The following CSMD1 variants were observed in gnomAD, a reference collection of about 807,000 sequenced individuals.
CSMD1 encodes the protein CUB and Sushi multiple domains 1, also known as CUB and sushi domain-containing protein 1.
Under a neutral mutation model 417.5 loss-of-function variants are expected in CSMD1, and 213 were observed. That is an observed-to-expected ratio of 0.51 (90% CI 0.46 to 0.57). CSMD1 has a LOEUF of 0.57. CSMD1 is among the 20% of genes least tolerant of loss of function. The probability of loss-of-function intolerance (pLI) is 0.00; values close to 1 mark genes in which losing one functional copy is unlikely to be tolerated. For synonymous variants in CSMD1, 2,862 were observed against 1,736.8 expected, an observed-to-expected ratio of 1.65 and a Z score of -16.11; for missense variants, 6,923 against 4,529.7, an observed-to-expected ratio of 1.53 and a Z score of -15.17.
intron 11 of CSMD1, among the ~76,000 whole-genome samples, chr8:3,481,997 T>C (rs901822884): frequency 1.3e-5 from 2 of 152,210 alleles, no homozygotes; most frequent in East Asian, 3.8e-4. Flanking sequence ...CATATGTTTA[T>C]TGTAATGCCC....
chr8:3,979,247 C>G lies in CSMD1; in HGVS notation c.818+18656G>C, dbSNP rs533328583. 8.5e-5 allele frequency among the ~76,000 whole-genome samples: 13 copies of G among 152,244 alleles called. No individual in the cohort carries two copies. In the South Asian group the frequency reaches 2.7e-3, roughly 32 times the overall value. ...AAGTTTTAGGCCAGGAAATTTAGGG[C>G]ATCTTTTTGTTTTGGGAGCGGATTG... On this transcript the variant is annotated intron_variant, in intron 5 of 69. Transcript: ENST00000635120.
chr8:4,139,048 A>C (rs1803614799), intron 3 of CSMD1, among the ~76,000 whole-genome samples: 2 of 152,188 alleles, frequency 1.3e-5, no homozygotes. Context: ...CCTGAGACAG[A>C]CTTGGGGCCA....
At chr8:3,483,680 A>G (rs1281581847) in intron 11 of CSMD1, among the ~76,000 whole-genome samples, 1 of 152,132 alleles carries the variant, frequency 6.6e-6, no homozygotes, top group Non-Finnish European at 1.5e-5. Flanking sequence ...AGGCAGTACA[A>G]AAAAGAAAGA....
intron 38 of CSMD1, among the ~76,000 whole-genome samples, chr8:3,161,369 C>A (rs1563098416): frequency 6.6e-6 from 1 of 152,124 alleles, no homozygotes; most frequent in Non-Finnish European, 1.5e-5. Context: ...GTAATCCCAG[C>A]ACTTTGGGAG....
chr8:4,300,001 G>C (rs962952010), intron 3 of CSMD1, among the ~76,000 whole-genome samples: 1 of 152,120 alleles, frequency 6.6e-6, no homozygotes, highest in African/African-American at 2.4e-5. Context: ...TTTGTAGAAA[G>C]CATAAATCTA....
intron 2 of CSMD1, among the ~76,000 whole-genome samples, chr8:4,479,792 G>A (rs994680683): frequency 6.6e-6 from 1 of 151,400 alleles, no homozygotes; most frequent in East Asian, 1.9e-4. Context: ...GAGAAACCCC[G>A]TTCTCTACTG....
chr8:3,060,659 A>G (rs1812535489), intron 49 of CSMD1, among the ~76,000 whole-genome samples: 1 of 152,184 alleles, frequency 6.6e-6, no homozygotes, highest in Non-Finnish European at 1.5e-5. Context: ...TATGGAAACA[A>G]TCAGGTATTT....
intron 49 of CSMD1, among the ~76,000 whole-genome samples, chr8:3,083,456 T>C (rs1387942557): frequency 6.6e-6 from 1 of 150,386 alleles, no homozygotes. Context: ...TAATTTTTTT[T>C]AATTTTTCTG....
At chr8:4,163,315 C>A (rs943670929) in intron 3 of CSMD1, among the ~76,000 whole-genome samples, 1 of 152,212 alleles carries the variant, frequency 6.6e-6, no homozygotes, top group African/African-American at 2.4e-5. Flanking sequence ...ACCCAATTGT[C>A]TTCCAAAGTG....
intron 6 of CSMD1, among the ~76,000 whole-genome samples, chr8:3,725,029 G>A (rs978199097): frequency 2.0e-5 from 3 of 152,178 alleles, no homozygotes; most frequent in Non-Finnish European, 4.4e-5. Flanking sequence ...TCTGGGAAGA[G>A]GCCCATTAAC....
chr8:3,368,386 G>C (rs1377805767), intron 19 of CSMD1, among the ~76,000 whole-genome samples: 2 of 152,054 alleles, frequency 1.3e-5, no homozygotes, highest in Non-Finnish European at 2.9e-5. Context: ...TCCTAGGCTG[G>C]AGTACAGTGG....
intron 1 of CSMD1, among the ~76,000 whole-genome samples, chr8:4,752,931 G>C (rs1049175838): frequency 6.6e-6 from 1 of 152,160 alleles, no homozygotes; most frequent in Non-Finnish European, 1.5e-5. Context: ...CTTCCCAGTG[G>C]CGTGATGATG....
rs1434924021 is a variant in CSMD1, at chr8:4,139,735, T to A, written c.416-107636A>T. Among the ~76,000 whole-genome samples the A allele has an allele frequency of 3.3e-5, 5 of 151,052 alleles. No homozygotes were observed. The East Asian group carries it at 9.7e-4, about 29-fold the overall frequency. ...AAGCCCCGAGTGATGCTTGAGTAGA[T>A]GAGTACAAAGAACCCAGCAGGGCAC... On this transcript the variant is annotated intron_variant, in intron 3 of 69. Transcript: ENST00000635120.
intron 2 of CSMD1, among the ~76,000 whole-genome samples, chr8:4,609,902 G>C (rs1023883089): frequency 3.9e-4 from 60 of 152,152 alleles, no homozygotes; most frequent in African/African-American, 1.3e-3. Context: ...CAAAAAGAAG[G>C]ATCCCCTTTA....
At chr8:3,494,505 T>C (rs766325295) in intron 10 of CSMD1, among the ~76,000 whole-genome samples, 2 of 151,888 alleles carry the variant, frequency 1.3e-5, no homozygotes, top group Non-Finnish European at 2.9e-5. Context: ...GATAGATAGA[T>C]GATAGATTAG....
At chr8:4,077,303 A>ATATATATATATATATATATATATGTG (rs1799878705) in intron 3 of CSMD1, among the ~76,000 whole-genome samples, 1 of 81,546 alleles carries the variant, frequency 1.2e-5, no homozygotes, top group Non-Finnish European at 3.5e-5. Flanking sequence ...ATGTGTATAT[A>ATATATATATATATATATATATATGTG]TATATATATA....
intron 2 of CSMD1, among the ~76,000 whole-genome samples, chr8:4,571,179 T>G (rs942541259): frequency 6.6e-6 from 1 of 152,174 alleles, no homozygotes; most frequent in African/African-American, 2.4e-5. Flanking sequence ...TCTTGTCTTC[T>G]GCTAGGTTTG....
chr8:3,741,115 G>C (rs958877579), intron 6 of CSMD1, among the ~76,000 whole-genome samples: 10 of 149,432 alleles, frequency 6.7e-5, no homozygotes, highest in Admixed American at 2.0e-4. Flanking sequence ...CTTGGAGTTT[G>C]AGGCAAGAGA....
intron 1 of CSMD1, among the ~76,000 whole-genome samples, chr8:4,912,992 T>A (rs774642069): frequency 2.0e-5 from 3 of 152,214 alleles, no homozygotes; most frequent in Non-Finnish European, 2.9e-5. Context: ...TTTTACCGTG[T>A]TGGCCAGGAT....
Sources: gnomAD v4.1 joint callset for allele counts (sites outside exome capture counted in the v4.1 genomes callset) on GRCh38, gnomAD v4.1.1 for gene constraint, MANE v1.5 for transcripts, NCBI Gene and HGNC (gene_info 2026-07-23, HGNC 2026-07-21) for gene names.